The following STOX2 variants were observed in gnomAD, a reference collection of about 807,000 sequenced individuals.
STOX2 encodes the protein storkhead box 2, also known as storkhead-box protein 2.
A neutral mutation model predicts 60.9 loss-of-function variants in STOX2; 28 were observed. The ratio of observed to expected loss-of-function variants is 0.46; its 90% confidence interval spans 0.34 to 0.63. STOX2 has a LOEUF of 0.63. STOX2 is among the 30% of genes least tolerant of loss of function. The probability of loss-of-function intolerance (pLI) is 0.01; values close to 1 mark genes in which losing one functional copy is unlikely to be tolerated. For synonymous variants in STOX2, 472 were observed against 463.9 expected (o/e 1.02, Z -0.22); for missense variants, 1,024 against 1,187.7 (o/e 0.86, Z 2.03).
chr4:183,839,072 G>C (rs61381614), intron 1 of STOX2, among the ~76,000 whole-genome samples: 14,135 of 150,952 alleles, frequency 0.094, 1,667 homozygotes, highest in African/African-American at 0.28. Context: ...CACACACACA[G>C]AGAGCAGGCC....
intron 1 of STOX2, among the ~76,000 whole-genome samples, chr4:183,983,034 A>G (rs1205913235): frequency 1.3e-5 from 2 of 151,932 alleles, no homozygotes; most frequent in Middle Eastern, 3.2e-3. Flanking sequence ...GTTGCTACCA[A>G]TCTCCTTCAT....
At chr4:183,844,305 C>A (rs1351513372) in intron 1 of STOX2, among the ~76,000 whole-genome samples, 1 of 152,094 alleles carries the variant, frequency 6.6e-6, no homozygotes, top group Non-Finnish European at 1.5e-5. Flanking sequence ...AGAAAAAAAA[C>A]CTGAGAACTC....
intron 1 of STOX2, among the ~76,000 whole-genome samples, chr4:183,884,982 G>A (rs937288499): frequency 5.9e-5 from 9 of 152,236 alleles, no homozygotes; most frequent in East Asian, 5.8e-4. Context: ...TCGCGTCCCC[G>A]TCGCCACACA....
intron 1 of STOX2, among the ~76,000 whole-genome samples, chr4:183,936,417 C>CT (rs11340665): frequency 0.026 from 3,796 of 144,770 alleles, 65 homozygotes; most frequent in Middle Eastern, 0.055. Flanking sequence ...TATTTTCTCT[C>CT]TTTTTTTTTT....
rs199563171 is a variant in STOX2, at chr4:184,010,535, C to A, written c.1697C>A (p.Pro566Gln). ...GAGATAGTCAGTGGCAGCAAGGAAC[C>A]GTCCAGCGCTTGCAGCCTTTTGGAG... ...IPEIVSGSKE[P>Q]SSACSLLEPG... The change falls in exon 3 of 4, where the codon CCG becomes CAG. Residue 566 changes from proline to glutamine, a missense_variant. Pro to Gln is a moderately conservative substitution (Grantham distance 76). Around this residue, in one of 3 missense-constraint regions of STOX2, gnomAD observed 922 missense variants for 1,058.3 expected, o/e 0.87. Transcript: ENST00000308497. The surrounding 1 kb of genome is among the most constrained non-coding windows in gnomAD (Gnocchi z 4.5). The A allele has an allele frequency of 1.2e-6, 2 of 1,613,876 alleles. No individual in the cohort carries two copies. The highest frequency in any genetic ancestry group is 4.5e-5 in the East Asian group (2 of 44,880).
intron 1 of STOX2, among the ~76,000 whole-genome samples, chr4:183,931,960 A>C (rs74814089): frequency 0.062 from 9,362 of 152,178 alleles, 967 homozygotes; most frequent in African/African-American, 0.21. Flanking sequence ...GAAGGGAGGC[A>C]TGGAGACCAG....
intron 1 of STOX2, among the ~76,000 whole-genome samples, chr4:183,828,448 C>A (rs965955746): frequency 8.5e-5 from 13 of 152,090 alleles, no homozygotes; most frequent in Non-Finnish European, 1.9e-4. Context: ...GTATTTCATT[C>A]TTCGTCTCTA....
upstream of STOX2, among the ~76,000 whole-genome samples, chr4:183,904,237 C>T (rs1017571335): frequency 2.6e-5 from 4 of 152,234 alleles, no homozygotes; most frequent in Admixed American, 2.6e-4. Context: ...CCACCCACCT[C>T]CTGCTGTGCT....
At chr4:183,959,940 A>G (rs1743364261) in intron 1 of STOX2, among the ~76,000 whole-genome samples, 1 of 152,246 alleles carries the variant, frequency 6.6e-6, no homozygotes, top group Non-Finnish European at 1.5e-5. Context: ...AGCATTTTTA[A>G]AAGCTCCATT....
At chr4:183,985,660 A>AT (rs914594579) in intron 1 of STOX2, among the ~76,000 whole-genome samples, 7 of 151,988 alleles carry the variant, frequency 4.6e-5, no homozygotes, top group Middle Eastern at 3.2e-3. Context: ...GAGTATTTGG[A>AT]TTTTTTTTCT....
intron 1 of STOX2, among the ~76,000 whole-genome samples, chr4:183,982,349 A>G (rs139167857): frequency 2.6e-5 from 4 of 152,328 alleles, no homozygotes; most frequent in African/African-American, 7.2e-5. Context: ...TCGTTTCCTT[A>G]CATATACAGT....
chr4:183,929,492 A>G (rs1742347612), intron 1 of STOX2, among the ~76,000 whole-genome samples: 1 of 152,224 alleles, frequency 6.6e-6, no homozygotes, highest in Non-Finnish European at 1.5e-5. Context: ...GTTTGGGGAC[A>G]TAATTTATAA....
intron 1 of STOX2, among the ~76,000 whole-genome samples, chr4:183,971,145 A>G (rs1743730356): frequency 6.6e-6 from 1 of 152,184 alleles, no homozygotes; most frequent in South Asian, 2.1e-4. Flanking sequence ...TATAGTAGAC[A>G]AACTTGAGTG....
chr4:183,801,174 A>G (rs1738756219), intron 1 of STOX2, among the ~76,000 whole-genome samples: 1 of 152,220 alleles, frequency 6.6e-6, no homozygotes, highest in South Asian at 2.1e-4. Flanking sequence ...AAGCCACTCA[A>G]AGGAAAAGTG....
At chr4:183,989,935 G>A (rs1398852661) in intron 1 of STOX2, among the ~76,000 whole-genome samples, 1 of 152,166 alleles carries the variant, frequency 6.6e-6, no homozygotes, top group Non-Finnish European at 1.5e-5. Context: ...TATGTAATAG[G>A]TAAGAATTTT....
chr4:183,837,383 C>A (rs1739739847), intron 1 of STOX2, among the ~76,000 whole-genome samples: 1 of 152,144 alleles, frequency 6.6e-6, no homozygotes, highest in Non-Finnish European at 1.5e-5. Flanking sequence ...TAGGTACTTC[C>A]TATAAGTGGA....
intron 1 of STOX2, among the ~76,000 whole-genome samples, chr4:183,949,624 G>A (rs1181592183): frequency 1.3e-5 from 2 of 152,168 alleles, no homozygotes; most frequent in East Asian, 3.9e-4. Context: ...CTTGAACCCG[G>A]GAGATGTAGG....
upstream of STOX2, among the ~76,000 whole-genome samples, chr4:183,901,998 C>G (rs1038845168): frequency 6.6e-6 from 1 of 152,084 alleles, no homozygotes; most frequent in African/African-American, 2.4e-5. Flanking sequence ...ATACTTGGTA[C>G]ACTTGATTTT....
intron 3 of STOX2, chr4:184,015,648 G>C (rs1734338054): frequency 6.6e-6 from 1 of 152,212 alleles, no homozygotes; most frequent in Non-Finnish European, 1.5e-5. Context: ...TCAGAGTACA[G>C]GATTCAAAGA....
Sources: allele counts gnomAD v4.1 joint callset (sites outside exome capture counted in the v4.1 genomes callset), GRCh38; gene constraint gnomAD v4.1.1; regional missense constraint gnomAD v4.1.1; non-coding constraint Gnocchi (gnomAD v3.1); transcripts MANE v1.5; gene names NCBI Gene and HGNC (gene_info 2026-07-23, HGNC 2026-07-21).